The following DENND4A variants were observed in gnomAD, a reference collection of about 807,000 sequenced individuals.
DENND4A encodes the protein DENN domain containing 4A.
DENND4A carries 70 observed loss-of-function variants against 199.3 expected under a neutral mutation model. That is an observed-to-expected ratio of 0.35 (90% CI 0.29 to 0.43). The LOEUF is 0.43. Among genes scored for constraint, DENND4A ranks in the 20% least tolerant of loss-of-function variants. The probability of loss-of-function intolerance (pLI) is 1.00; values close to 1 mark genes in which losing one functional copy is unlikely to be tolerated. For synonymous variants in DENND4A, 686 were observed against 766.9 expected, an observed-to-expected ratio of 0.89 and a Z score of 1.74; for missense variants, 1,723 against 2,255.8, an observed-to-expected ratio of 0.76 and a Z score of 4.78.
At chr15:65,737,635 C>G in intron 7 of DENND4A, 72 bp downstream of exon 7, 1 of 1,443,186 alleles carries the variant, frequency 6.9e-7, no homozygotes, top group Non-Finnish European at 9.2e-7. Flanking sequence ...TAAAATTTAC[C>G]CAGTTGCCGA....
chr15:65,681,040 C>T (rs911037567), intron 23 of DENND4A: 5 of 152,134 alleles, frequency 3.3e-5, no homozygotes, highest in Admixed American at 6.5e-5. Context: ...TTGACTCTTC[C>T]TTTCAAGAAA....
intron 23 of DENND4A, chr15:65,681,394 A>C (rs1187564183): frequency 1.3e-5 from 2 of 152,284 alleles, no homozygotes; most frequent in East Asian, 3.8e-4. Context: ...GCCCAGATCC[A>C]TCACAGGAAT....
At chr15:65,738,019 T>A in intron 6 of DENND4A, 74 bp from the exon 7 acceptor site, 1 of 1,423,724 alleles carries the variant, frequency 7.0e-7, no homozygotes, top group Non-Finnish European at 9.4e-7. Context: ...GTTAAATATT[T>A]AATAAATGCT....
In DENND4A at chr15:65,718,672, T is replaced by C. The variant is rs1037132932; in HGVS notation, c.1589-676A>G. On this transcript the variant is annotated intron_variant, in intron 12 of 32. Coordinates refer to ENST00000443035, the MANE Select transcript of DENND4A (RefSeq NM_001320835.1). ...CATTGTTCTCTCACCATCAAGTGAT[T>C]ATGGTGAGATTATACATAAACTAGT... Among the ~76,000 whole-genome samples the C allele has an allele frequency of 2.0e-5, 3 of 152,056 alleles. No homozygotes were observed. The South Asian group carries it at 6.2e-4, about 32-fold the overall frequency.
rs138171083 is a variant in DENND4A, at chr15:65,750,393, T to C, written c.561+1986A>G. On this transcript the variant is annotated intron_variant, in intron 4 of 32. Transcript: ENST00000443035. ...ACCACCCATTGGGTTCTATGCTCACTATCTGGGTGATGGGTTCAATCACAC... is the reference window on the plus strand; with the variant it reads ...ACCACCCATTGGGTTCTATGCTCACCATCTGGGTGATGGGTTCAATCACAC... Among the ~76,000 whole-genome samples the C allele has an allele frequency of 6.6e-3, 1,008 of 152,258 alleles. 11 individuals are homozygous for C. Among genetic ancestry groups the C allele is most frequent in the African/African-American group, 0.023 (968 of 41,540 alleles).
intron 12 of DENND4A, chr15:65,719,307 C>T (rs1431596647): frequency 6.8e-5 from 10 of 147,776 alleles, no homozygotes; most frequent in African/African-American, 2.5e-4. Context: ...AGGGCAAATG[C>T]AACAGTTCTT....
intron 23 of DENND4A, among the ~76,000 whole-genome samples, chr15:65,689,062 A>G (rs905099305): frequency 6.6e-6 from 1 of 152,196 alleles, no homozygotes; most frequent in African/African-American, 2.4e-5. Context: ...TTCTGACATC[A>G]TAGTTTCTCT....
At chr15:65,730,157 T>C (rs762546521) in intron 9 of DENND4A, among the ~76,000 whole-genome samples, 2 of 152,114 alleles carry the variant, frequency 1.3e-5, no homozygotes, top group Non-Finnish European at 2.9e-5. Context: ...ATTTTGTGAA[T>C]AATCTTTACT....
At chr15:65,751,103 G>A (rs2076550089) in intron 4 of DENND4A, among the ~76,000 whole-genome samples, 1 of 152,120 alleles carries the variant, frequency 6.6e-6, no homozygotes, top group Non-Finnish European at 1.5e-5. Context: ...GCTCTTTAAA[G>A]AAAAAATTTG....
rs995260679 is a variant in DENND4A, at chr15:65,779,895, C to CTTTA, written c.-102+12111_-102+12114dup. 3.8e-4 allele frequency among the ~76,000 whole-genome samples: 57 copies of CTTTA among 151,774 alleles called. No individual in the cohort carries two copies. In the East Asian group the frequency reaches 5.5e-3, roughly 15 times the overall value. On this transcript the variant is annotated intron_variant, in intron 1 of 32. Transcript: ENST00000443035. Reference sequence around the variant, plus strand: ...ACAGGCGTGAGCCACAGTGTCTGGACTTTATTTATTTATTTATTTATTTTT... The same window carrying CTTTA: ...ACAGGCGTGAGCCACAGTGTCTGGACTTTATTTATTTATTTATTTATTTATTTTT...
intron 20 of DENND4A, among the ~76,000 whole-genome samples, chr15:65,698,155 G>A (rs1163538585): frequency 1.3e-5 from 2 of 151,984 alleles, no homozygotes; most frequent in African/African-American, 4.8e-5. Context: ...TTCTTGGGAG[G>A]CTTCTTGGGA....
intron 3 of DENND4A, among the ~76,000 whole-genome samples, chr15:65,754,499 C>G (rs958541442): frequency 7.2e-5 from 11 of 152,136 alleles, no homozygotes; most frequent in Admixed American, 6.6e-4. Context: ...AAAGAACCTA[C>G]AGAAAATATT....
chr15:65,701,670 T>C, intron 18 of DENND4A, 92 bp downstream of exon 18: 1 of 1,190,382 alleles, frequency 8.4e-7, no homozygotes, highest in Non-Finnish European at 1.2e-6. Context: ...CTAAAATAAA[T>C]GCCAAATAAC....
At chr15:65,713,851 G>C (rs2075315722) in intron 14 of DENND4A, among the ~76,000 whole-genome samples, 1 of 152,164 alleles carries the variant, frequency 6.6e-6, no homozygotes, top group Non-Finnish European at 1.5e-5. Flanking sequence ...TTTTAGTGGA[G>C]AATGGTATTT....
Position 65,706,072 on chromosome 15 carries a change from C to T in DENND4A, c.2087+19G>A, listed in dbSNP as rs1186459623. ...ATTGCTTCTCTCTTTCAATCTCAAA[C>T]ATTCTGCCTCTTGAATACCTGTACT... is the stretch of plus-strand genomic sequence containing the variant. On this transcript the variant is annotated intron_variant, in intron 15 of 32. Transcript: ENST00000443035. 6.5e-7 allele frequency: 1 copy of T among 1,529,946 alleles called. No individual in the cohort carries two copies. Among genetic ancestry groups the T allele is most frequent in the Non-Finnish European group, 8.8e-7 (1 of 1,139,140 alleles). The allele number at this position is 1,529,946 out of a possible 1,614,324, so 94.8% of individuals were successfully genotyped here.
intron 29 of DENND4A, 82 bp downstream of exon 29, chr15:65,667,367 C>A (rs2076077239): frequency 6.9e-7 from 1 of 1,442,746 alleles, no homozygotes; most frequent in Non-Finnish European, 9.4e-7. Context: ...AAAAACAGAC[C>A]TTACTTTTTA....
chr15:65,665,480 C>A lies in DENND4A; in HGVS notation c.5242-18G>T, dbSNP rs1050977036. 1 of 1,562,362 alleles carries A rather than the reference C, an allele frequency of 6.4e-7. No individual in the cohort carries two copies. The highest frequency in any genetic ancestry group is 8.8e-7 in the Non-Finnish European group (1 of 1,140,256). On this transcript the variant is annotated intron_variant, in intron 29 of 32. Transcript: ENST00000443035. ...CGGGGAATCTGTGTTATACAATAAA[C>A]ATTCATTAATGATCCTTACATGATA...
Position 65,701,158 on chromosome 15 carries a change from C to T in DENND4A, c.2594G>A (p.Arg865His), listed in dbSNP as rs751075182. Residue 865 changes from arginine to histidine, a missense_variant, in exon 19 of 33, where the codon CGT becomes CAT. Physicochemically the swap from Arg to His is conservative, Grantham distance 29. Coordinates refer to ENST00000443035, the MANE Select transcript of DENND4A (RefSeq NM_001320835.1). ...VLESTWPSRS[R>H]SGYFLWTKVR... The stretch of plus-strand genomic sequence containing the variant: ...TTTTGTCCAAAGAAAATAGCCACTA[C>T]GACTTCTTGAAGGCCAGGTACTTTC... 11 of 1,608,038 alleles carry T rather than the reference C, an allele frequency of 6.8e-6. No individual in the cohort carries two copies. Among genetic ancestry groups the T allele is most frequent in the East Asian group, 2.2e-5 (1 of 44,484 alleles).
chr15:65,752,713 A>T, intron 3 of DENND4A, 85 bp from the exon 4 acceptor site: 1 of 838,642 alleles, frequency 1.2e-6, no homozygotes. Context: ...CTGATCCTTA[A>T]ATGTAGTAGC....
Sources: allele counts gnomAD v4.1 joint callset (sites outside exome capture counted in the v4.1 genomes callset), GRCh38; gene constraint gnomAD v4.1.1; transcripts MANE v1.5; gene names NCBI Gene and HGNC (gene_info 2026-07-23, HGNC 2026-07-21).